The following CCT5 variants were observed in gnomAD, a reference collection of about 807,000 sequenced individuals.
CCT5 encodes chaperonin containing TCP1 subunit 5.
In CCT5, 6 loss-of-function variants were observed where a neutral mutation model predicts 55.0. The ratio of observed to expected loss-of-function variants is 0.11; its 90% CI spans 0.06 to 0.22. CCT5 has a LOEUF of 0.22. Ranked by LOEUF, CCT5 falls within the 10% of genes least tolerant of loss-of-function variation. CCT5 has a pLI of 1.00. For synonymous variants in CCT5, 231 were observed against 243.7 expected (o/e 0.95, Z 0.49); for missense variants, 560 against 694.6 (o/e 0.81, Z 2.18).
intron 4 of CCT5, chr5:10,257,868 G>C (rs1289248011): frequency 3.6e-6 from 2 of 556,508 alleles, no homozygotes. Flanking sequence ...GTAAATTTCA[G>C]AGTTAGCGAA....
At position 10,266,252 on chromosome 5, in the gene CCT5, C is replaced by T. The variant is rs1309599638; in HGVS notation, c.*1469C>T. 1 of 152,194 alleles carries T rather than the reference C, an allele frequency of 6.6e-6. No homozygotes were observed. Among genetic ancestry groups the T allele is most frequent in the East Asian group, 1.9e-4 (1 of 5,202 alleles). 9.4% of individuals were successfully genotyped at this position (152,194 alleles called of 1,614,324 possible). A position where few individuals can be genotyped will look rare whatever the true frequency, so the allele number is the denominator to read the frequency against. On this transcript the variant is annotated 3_prime_UTR_variant, in exon 11 of 11. Transcript: ENST00000280326. ...ATCAGAAGAGCCACTAAACCAATCC[C>T]CCTTTCCAAAATTGAACCTCACAGA...
intron 7 of CCT5, chr5:10,261,125 C>T: frequency 1.6e-6 from 1 of 629,814 alleles, no homozygotes; most frequent in Non-Finnish European, 2.9e-6. Context: ...TTGAAATTCT[C>T]TCCCTGTGTT....
chr5:10,261,485 C>G, intron 7 of CCT5, 75 bp from the exon 8 acceptor site: 2 of 1,440,270 alleles, frequency 1.4e-6, no homozygotes, highest in Non-Finnish European at 2.0e-6. Context: ...TCAAGTTTTG[C>G]TCATTTGTGG....
chr5:10,264,289 G>C (rs1746120250), intron 10 of CCT5, among the ~76,000 whole-genome samples: 2 of 151,956 alleles, frequency 1.3e-5, no homozygotes, highest in African/African-American at 4.8e-5. Context: ...AGCATTTCTA[G>C]ATCTTTCTTG....
At chr5:10,261,332 G>A (rs953246237) in intron 7 of CCT5, 81 of 588,032 alleles carry the variant, frequency 1.4e-4, no homozygotes, top group Middle Eastern at 1.3e-3. Flanking sequence ...GACGGGCGCC[G>A]GGTGATAGAT....
chr5:10,255,877 C>T, intron 3 of CCT5, 78 bp from the exon 4 acceptor site: 2 of 1,208,404 alleles, frequency 1.7e-6, no homozygotes, highest in African/African-American at 1.5e-5. Context: ...TCCATGATAG[C>T]ATCTAACTTG....
rs148752621 is a variant in CCT5, at chr5:10,260,796, A to T, written c.878A>T (p.Lys293Ile). Residue 293 changes from lysine to isoleucine, a missense_variant, in exon 7 of 11, where the codon AAA (lysine) becomes ATA (isoleucine). By Grantham distance (102) the Lys-to-Ile change is moderately radical (BLOSUM62 -3). This residue lies in a region of CCT5 where 256 missense variants were observed against 372.4 expected (regional missense o/e 0.69). Transcript: ENST00000280326. ...TTGTGGTGGTTCTTTTCCCAGATTA[A>T]AGAGACTGGTGCTAACCTAGCAATT... ...EKFEEMIQQIKETGANLAICQ... is the reference protein window; with the variant it reads ...EKFEEMIQQIIETGANLAICQ... The T allele has an allele frequency of 2.6e-5, 42 of 1,613,548 alleles. No homozygotes were observed. The highest frequency in any genetic ancestry group is 3.2e-5 in the Non-Finnish European group (38 of 1,179,912).
chr5:10,250,309 G>A lies in CCT5; in HGVS notation c.-32G>A, dbSNP rs754597237. The A allele has an allele frequency of 1.2e-6, 2 of 1,613,618 alleles. No individual in the cohort carries two copies. Among genetic ancestry groups the A allele is most frequent in the Middle Eastern group, 1.6e-4 (1 of 6,084 alleles). ...TCTCGCTTCCGTAGCGGTCTCCGCC[G>A]GTTGGGGGGAAGTAATTCCGGTTGT... On this transcript the variant is annotated 5_prime_UTR_variant, in exon 1 of 11. Coordinates refer to ENST00000280326, the MANE Select transcript of CCT5 (RefSeq NM_012073.5).
intron 2 of CCT5, 183 bp downstream of exon 2, chr5:10,254,388 G>A (rs1027346918): frequency 6.0e-5 from 35 of 583,390 alleles, no homozygotes; most frequent in Admixed American, 4.0e-4. Context: ...ATATTAGGTC[G>A]GACCTTTTTT....
intron 6 of CCT5, among the ~76,000 whole-genome samples, chr5:10,260,486 G>T (rs951211155): frequency 6.6e-6 from 1 of 152,202 alleles, no homozygotes; most frequent in Non-Finnish European, 1.5e-5. Flanking sequence ...TTGGGGAAGG[G>T]TGTTAGCTTT....
In CCT5 at chr5:10,266,330, G is replaced by A. The variant is rs956203708; in HGVS notation, c.*1547G>A. ...TGGTCAATGAACAGGAAGACTTAGA[G>A]ATGTTTCACAAGCCTTTGATTTTTG... On this transcript the variant is annotated 3_prime_UTR_variant, in exon 11 of 11. Transcript: ENST00000280326. 6.6e-6 allele frequency: 1 copy of A among 152,202 alleles called. No homozygotes were observed. Among genetic ancestry groups the A allele is most frequent in the Non-Finnish European group, 1.5e-5 (1 of 68,036 alleles). 9.4% of individuals were successfully genotyped at this position (152,202 alleles called of 1,614,324 possible). A position where few individuals can be genotyped will look rare whatever the true frequency, so the allele number is the denominator to read the frequency against.
intron 7 of CCT5, 181 bp downstream of exon 7, chr5:10,261,092 T>C: frequency 1.4e-6 from 1 of 712,226 alleles, no homozygotes; most frequent in Non-Finnish European, 2.5e-6. Context: ...CAGTGCTGTG[T>C]GTTTCTGGTG....
Position 10,258,271 on chromosome 5 carries a change from G to A in CCT5, c.691G>A (p.Asp231Asn). Residue 231 changes from aspartate (D) to asparagine (N), a missense_variant, in exon 5 of 11, where the codon GAC becomes AAC. Transcript: ENST00000280326. ...TAAACTGATTAAGGGCGTGATTGTG[G>A]ACAAGGATTTCAGTCACCCACAGAT... ...DTKLIKGVIV[D>N]KDFSHPQMPK... 1 of 1,614,232 alleles carries A rather than the reference G, an allele frequency of 6.2e-7. No individual in the cohort carries two copies. The highest frequency in any genetic ancestry group is 8.5e-7 in the Non-Finnish European group (1 of 1,180,040).
chr5:10,263,392 G>A (rs544319035), intron 10 of CCT5, 78 bp downstream of exon 10: 42 of 1,305,336 alleles, frequency 3.2e-5, no homozygotes, highest in Non-Finnish European at 4.6e-5. Context: ...TGTATGTGCT[G>A]TGAGATGATG....
intron 3 of CCT5, among the ~76,000 whole-genome samples, chr5:10,255,484 T>C (rs1043843739): frequency 2.6e-5 from 4 of 151,994 alleles, no homozygotes; most frequent in Non-Finnish European, 5.9e-5. Flanking sequence ...TGGATACTAT[T>C]GTATGCCAAG....
At chr5:10,255,286 A>G (rs559726697) in intron 3 of CCT5, among the ~76,000 whole-genome samples, 5 of 152,240 alleles carry the variant, frequency 3.3e-5, no homozygotes, top group Non-Finnish European at 7.3e-5. Flanking sequence ...ATAGTTGAAC[A>G]GAAACAGTAT....
chr5:10,254,262 A>G, intron 2 of CCT5, 57 bp downstream of exon 2: 4 of 1,202,724 alleles, frequency 3.3e-6, no homozygotes, highest in South Asian at 1.2e-5. Context: ...AAAACTGTCA[A>G]TATAAACCTC....
chr5:10,263,290 G>C lies in CCT5; in HGVS notation c.1474G>C (p.Asp492His), dbSNP rs749250007. ...VKEMNPALGI[D>H]CLHKGTNDMK... is the part of the protein sequence containing the mutation. ...GGAGATGAACCCTGCTCTTGGCATC[G>C]ACTGTTTGCACAAGGGGACAAATGG... Residue 492 changes from aspartate to histidine, a missense_variant, in exon 10 of 11, where the codon GAC (aspartate) becomes CAC (histidine). Asp to His is a moderately conservative substitution (Grantham distance 81). Around this residue, in one of 4 missense-constraint regions of CCT5, gnomAD observed 115 missense variants for 105.0 expected, o/e 1.10. Transcript: ENST00000280326. The C allele has an allele frequency of 6.5e-5, 105 of 1,606,600 alleles. No individual in the cohort carries two copies. The highest frequency in any genetic ancestry group is 8.0e-5 in the Non-Finnish European group (94 of 1,176,800).
chr5:10,262,723 G>A, intron 9 of CCT5, 105 bp downstream of exon 9: 1 of 1,226,792 alleles, frequency 8.2e-7, no homozygotes. Flanking sequence ...AGCATCGTGA[G>A]CTGTGTGTAG....
Sources: gnomAD v4.1 joint callset for allele counts (sites outside exome capture counted in the v4.1 genomes callset) on GRCh38, gnomAD v4.1.1 for gene constraint, gnomAD v4.1.1 regional missense constraint, MANE v1.5 for transcripts, NCBI Gene and HGNC (gene_info 2026-07-23, HGNC 2026-07-21) for gene names.